The following SLC6A5 variants were observed in gnomAD, a reference collection of about 807,000 sequenced individuals.
SLC6A5 encodes the protein solute carrier family 6 member 5, also known as sodium- and chloride-dependent glycine transporter 2.
Under a neutral mutation model 90.5 loss-of-function variants are expected in SLC6A5, and 58 were observed. The ratio of observed to expected loss-of-function variants is 0.64; its 90% CI spans 0.52 to 0.80. The LOEUF is 0.80. Ranked by LOEUF, SLC6A5 falls within the 30% of genes least tolerant of loss-of-function variation. The pLI is 0.00. For synonymous variants in SLC6A5, 427 were observed against 401.4 expected, an observed-to-expected ratio of 1.06 and a Z score of -0.76; for missense variants, 1,015 against 1,017.6, an observed-to-expected ratio of 1.00 and a Z score of 0.03.
intron 14 of SLC6A5, among the ~76,000 whole-genome samples, chr11:20,648,086 T>G (rs1853455537): frequency 6.6e-6 from 1 of 152,148 alleles, no homozygotes; most frequent in African/African-American, 2.4e-5. Context: ...ACAGAGATCC[T>G]TCCCCATCCT....
At chr11:20,606,980 G>A in intron 3 of SLC6A5, 27 bp from the exon 4 acceptor site, 2 of 1,613,958 alleles carry the variant, frequency 1.2e-6, no homozygotes, top group South Asian at 1.1e-5. Flanking sequence ...GCCTCCTAGG[G>A]CTCTCACTCC....
chr11:20,604,238 G>A (rs1852531909), intron 2 of SLC6A5, 48 bp from the exon 3 acceptor site: 1 of 1,571,272 alleles, frequency 6.4e-7, no homozygotes, highest in Non-Finnish European at 8.7e-7. Flanking sequence ...GGGCCTGCTT[G>A]TGGACCTACT....
intron 9 of SLC6A5, 67 bp downstream of exon 9, chr11:20,628,150 C>T: frequency 7.9e-7 from 1 of 1,272,264 alleles, no homozygotes; most frequent in Non-Finnish European, 1.1e-6. Context: ...ACTGAGTTAT[C>T]AGACACCTGA....
intron 5 of SLC6A5, among the ~76,000 whole-genome samples, chr11:20,611,672 C>A (rs534024599): frequency 4.5e-4 from 68 of 151,998 alleles, no homozygotes; most frequent in African/African-American, 1.6e-3. Context: ...TGCTGCAACG[C>A]AGGAAACTCT....
chr11:20,632,330 G>A (rs142835963), intron 10 of SLC6A5, among the ~76,000 whole-genome samples: 2 of 152,264 alleles, frequency 1.3e-5, no homozygotes, highest in East Asian at 1.9e-4. Flanking sequence ...TGAGATGTGG[G>A]CCAGGTTAGT....
chr11:20,651,522 C>T (rs1437294256), intron 14 of SLC6A5, among the ~76,000 whole-genome samples: 1 of 151,480 alleles, frequency 6.6e-6, no homozygotes, highest in Non-Finnish European at 1.5e-5. Context: ...GATCCACCGC[C>T]TCAGCCTCCC....
chr11:20,608,942 C>CTGTGTG, intron 5 of SLC6A5, among the ~76,000 whole-genome samples: 1 of 117,854 alleles, frequency 8.5e-6, no homozygotes, highest in Non-Finnish European at 1.8e-5. Flanking sequence ...CTCTCTCTCT[C>CTGTGTG]TCTCTCTCTC....
intron 10 of SLC6A5, among the ~76,000 whole-genome samples, chr11:20,631,396 T>C (rs1182587024): frequency 6.6e-6 from 1 of 152,212 alleles, no homozygotes; most frequent in Non-Finnish European, 1.5e-5. Context: ...TGGAGAGGCA[T>C]GTGGAATAAA....
chr11:20,624,856 G>A (rs1852961785), intron 7 of SLC6A5, among the ~76,000 whole-genome samples: 1 of 152,234 alleles, frequency 6.6e-6, no homozygotes, highest in Non-Finnish European at 1.5e-5. Context: ...GCCAGACTGT[G>A]AAATGGTACT....
chr11:20,636,918 C>T (rs1853218715), intron 11 of SLC6A5, among the ~76,000 whole-genome samples: 2 of 152,064 alleles, frequency 1.3e-5, no homozygotes. Flanking sequence ...TTAAACTGTC[C>T]TAATGGGTGA....
At chr11:20,615,866 G>A (rs1229226754) in intron 6 of SLC6A5, among the ~76,000 whole-genome samples, 1 of 152,232 alleles carries the variant, frequency 6.6e-6, no homozygotes, top group Non-Finnish European at 1.5e-5. Flanking sequence ...GAGGCTGCCT[G>A]TCGCATGTAA....
chr11:20,624,868 C>T (rs1263344584), intron 7 of SLC6A5, among the ~76,000 whole-genome samples: 1 of 152,194 alleles, frequency 6.6e-6, no homozygotes, highest in Non-Finnish European at 1.5e-5. Flanking sequence ...AATGGTACTT[C>T]TGTTTCCAGT....
chr11:20,647,366 A>T (rs28477645), intron 14 of SLC6A5, among the ~76,000 whole-genome samples: 1 of 74,946 alleles, frequency 1.3e-5, no homozygotes, highest in Non-Finnish European at 3.0e-5. Context: ...TTATATATAT[A>T]ACTATATATT....
chr11:20,607,353 C>T, intron 4 of SLC6A5, 126 bp from the exon 5 acceptor site: 2 of 1,218,020 alleles, frequency 1.6e-6, no homozygotes, highest in Non-Finnish European at 1.2e-6. Context: ...ACATACAGTC[C>T]ACTCTGCTAT....
chr11:20,617,725 C>A, intron 6 of SLC6A5, 27 bp from the exon 7 acceptor site: 2 of 1,604,740 alleles, frequency 1.2e-6, no homozygotes, highest in Non-Finnish European at 1.7e-6. Flanking sequence ...TTCTATCACT[C>A]CCCCCATCCC....
chr11:20,603,259 A>G (rs1280102102), intron 2 of SLC6A5, among the ~76,000 whole-genome samples: 1 of 143,370 alleles, frequency 7.0e-6, no homozygotes, highest in Non-Finnish European at 1.6e-5. Flanking sequence ...AGTGCCTGGA[A>G]AGCTTTGTGC....
At chr11:20,654,651 C>A in intron 15 of SLC6A5, 62 bp from the exon 16 acceptor site, 2 of 1,562,776 alleles carry the variant, frequency 1.3e-6, no homozygotes, top group South Asian at 2.2e-5. Context: ...ATGAGTGGGT[C>A]GTCCCCAGGT....
At chr11:20,631,757 G>C (rs1308938762) in intron 10 of SLC6A5, among the ~76,000 whole-genome samples, 1 of 152,204 alleles carries the variant, frequency 6.6e-6, no homozygotes, top group Admixed American at 6.5e-5. Context: ...GGGCGTACCT[G>C]TGAGAGGCTT....
At chr11:20,611,323 C>T (rs529790898) in intron 5 of SLC6A5, among the ~76,000 whole-genome samples, 5 of 152,230 alleles carry the variant, frequency 3.3e-5, no homozygotes, top group African/African-American at 9.6e-5. Flanking sequence ...GAAGTGTTGG[C>T]ACACACCTGT....
Sources: allele counts gnomAD v4.1 joint callset (sites outside exome capture counted in the v4.1 genomes callset), GRCh38; gene constraint gnomAD v4.1.1; transcripts MANE v1.5; gene names NCBI Gene and HGNC (gene_info 2026-07-23, HGNC 2026-07-21).